Variants in AFDN observed in about 807,000 individuals in gnomAD.
AFDN encodes afadin.
Under a neutral mutation model 216.6 loss-of-function variants are expected in AFDN, and 68 were observed. That is an observed-to-expected ratio of 0.31 (90% CI 0.26 to 0.38). The LOEUF (loss-of-function observed/expected upper bound fraction) is 0.38. Among genes scored for constraint, AFDN ranks in the 10% least tolerant of loss-of-function variants. The pLI is 1.00. For missense variants in AFDN, 2,136 were observed against 2,342.0 expected (o/e 0.91, Z 1.82); for synonymous variants, 868 against 853.7 (o/e 1.02, Z -0.29).
intron 1 of AFDN, among the ~76,000 whole-genome samples, chr6:167,862,096 A>G (rs1053490765): frequency 3.9e-5 from 6 of 152,186 alleles, no homozygotes; most frequent in African/African-American, 1.4e-4. Flanking sequence ...AAAATCTTAA[A>G]TTTATACAGC....
chr6:167,943,011 C>T, intron 23 of AFDN, 118 bp from the exon 24 acceptor site: 1 of 661,486 alleles, frequency 1.5e-6, no homozygotes. Context: ...AGAACCAGGA[C>T]TTTGTTGCAG....
intron 1 of AFDN, among the ~76,000 whole-genome samples, chr6:167,852,704 A>G (rs1292112325): frequency 4.6e-5 from 7 of 152,106 alleles, no homozygotes; most frequent in South Asian, 2.1e-4. Flanking sequence ...CTTATTTTCC[A>G]GAGTAAGGAG....
chr6:167,907,578 T>C (rs1208134488), intron 13 of AFDN, among the ~76,000 whole-genome samples: 1 of 151,884 alleles, frequency 6.6e-6, no homozygotes, highest in Non-Finnish European at 1.5e-5. Context: ...AGAAAGGGAG[T>C]TTTTATAGGA....
chr6:167,911,751 T>C (rs1790425847), intron 15 of AFDN: 1 of 451,896 alleles, frequency 2.2e-6, no homozygotes, highest in African/African-American at 2.0e-5. Context: ...CTGAGACTGT[T>C]GTGGGCTTTT....
At position 167,924,794 on chromosome 6, in the gene AFDN, A is replaced by G. The variant is rs993059576; in HGVS notation, c.3013-211A>G. On this transcript the variant is annotated intron_variant, in intron 22 of 33. Coordinates refer to ENST00000683244, the MANE Select transcript of AFDN (RefSeq NM_001386888.1). ...AGCATTTGTGACTAAATTCATCTTTAAGACTTGAGTCAAGAATATCGATTT... is the reference window on the plus strand; with the variant it reads ...AGCATTTGTGACTAAATTCATCTTTGAGACTTGAGTCAAGAATATCGATTT... The G allele has an allele frequency of 5.3e-5, 30 of 570,198 alleles. No individual in the cohort carries two copies. In the African/African-American group the frequency reaches 5.5e-4, roughly 10 times the overall value. 35.3% of individuals were successfully genotyped at this position (570,198 alleles called of 1,614,324 possible).
chr6:167,938,441 A>G (rs1424238061), intron 23 of AFDN, among the ~76,000 whole-genome samples: 1 of 152,086 alleles, frequency 6.6e-6, no homozygotes, highest in East Asian at 1.9e-4. Flanking sequence ...ATTTAGAGAG[A>G]CCAGAAGATC....
intron 23 of AFDN, among the ~76,000 whole-genome samples, chr6:167,942,366 C>T (rs192308191): frequency 7.4e-4 from 113 of 152,298 alleles, no homozygotes; most frequent in African/African-American, 2.6e-3. Flanking sequence ...ATCGTTGTGA[C>T]CTAAGGAATT....
intron 33 of AFDN, among the ~76,000 whole-genome samples, chr6:167,969,527 A>G (rs145606162): frequency 1.1e-3 from 161 of 152,300 alleles, no homozygotes; most frequent in Non-Finnish European, 1.9e-3. Flanking sequence ...CCTGCTTGCT[A>G]AAATCTAACT....
intron 21 of AFDN, among the ~76,000 whole-genome samples, chr6:167,919,970 T>TC (rs1249515665): frequency 6.6e-6 from 1 of 152,238 alleles, no homozygotes; most frequent in African/African-American, 2.4e-5. Context: ...TTTATACCTT[T>TC]CAAGATATCT....
chr6:167,945,791 CA>C (rs1795191848), intron 26 of AFDN, among the ~76,000 whole-genome samples: 2 of 152,100 alleles, frequency 1.3e-5, no homozygotes, highest in South Asian at 4.1e-4. Flanking sequence ...ACAGCTACAT[CA>C]AAAAGAATCT....
chr6:167,857,220 T>G (rs1466643807), intron 1 of AFDN, among the ~76,000 whole-genome samples: 3 of 140,714 alleles, frequency 2.1e-5, no homozygotes, highest in Non-Finnish European at 3.3e-5. Flanking sequence ...GAGCGAGAGA[T>G]AGGATGGGGG....
chr6:167,879,219 C>T (rs1048196032), intron 5 of AFDN, among the ~76,000 whole-genome samples: 1 of 152,136 alleles, frequency 6.6e-6, no homozygotes, highest in Non-Finnish European at 1.5e-5. Context: ...TTAGCAGGTC[C>T]ATATTCTAAT....
intron 15 of AFDN, 153 bp downstream of exon 15, chr6:167,911,642 A>G: frequency 1.5e-6 from 1 of 680,382 alleles, no homozygotes; most frequent in Non-Finnish European, 2.5e-6. Flanking sequence ...GTATAACTTT[A>G]AAGAGTTGAA....
At position 167,893,903 on chromosome 6, in the gene AFDN, G is replaced by A. The variant is rs150936076; in HGVS notation, c.1219G>A (p.Glu407Lys). The A allele has an allele frequency of 3.2e-4, 506 of 1,583,800 alleles. 2 individuals carry two copies. In the East Asian group the frequency reaches 9.4e-3, roughly 29 times the overall value. Reference sequence around the variant, plus strand: ...TGCCTACTACAACTATCACACTTACGAAGGTAATGCTATGCTTACTACTAC... The same window carrying A: ...TGCCTACTACAACTATCACACTTACAAAGGTAATGCTATGCTTACTACTAC... ...HFAYYNYHTY[E>K]DGSDSRDKPK... The change falls in exon 9 of 34, where the codon GAA becomes AAA. Residue 407 changes from glutamate to lysine, a missense_variant. Physicochemically the swap from Glu to Lys is moderately conservative, Grantham distance 56. Coordinates refer to ENST00000683244, the MANE Select transcript of AFDN (RefSeq NM_001386888.1).
At chr6:167,901,351 T>C (rs747617727) in intron 11 of AFDN, among the ~76,000 whole-genome samples, 6 of 152,128 alleles carry the variant, frequency 3.9e-5, no homozygotes, top group Admixed American at 1.3e-4. Flanking sequence ...CTGGGACCAG[T>C]GAGTTGCATT....
intron 23 of AFDN, among the ~76,000 whole-genome samples, chr6:167,937,748 C>T (rs982384799): frequency 6.6e-6 from 1 of 152,192 alleles, no homozygotes; most frequent in Non-Finnish European, 1.5e-5. Flanking sequence ...ACATTGGGTG[C>T]CAGAGCCTGA....
In AFDN at chr6:167,907,268, A is replaced by G; in HGVS notation, c.1748A>G (p.Asp583Gly). The G allele has an allele frequency of 1.2e-6, 2 of 1,614,078 alleles. No individual in the cohort carries two copies. Among genetic ancestry groups the G allele is most frequent in the Non-Finnish European group, 1.7e-6 (2 of 1,179,916 alleles). Reference sequence around the variant, plus strand: ...ATGATCAGAGTAGAACAGCAGCCAGATTATCGCAGGCAAGAAAGCAGGTAG... The same window carrying G: ...ATGATCAGAGTAGAACAGCAGCCAGGTTATCGCAGGCAAGAAAGCAGGTAG... ...KPMIRVEQQP[D>G]YRRQESRTQD... Residue 583 changes from aspartate to glycine, a missense_variant, in exon 13 of 34, where the codon GAT becomes GGT. This residue lies in a region of AFDN where 817 missense variants were observed against 965.7 expected (regional missense o/e 0.85). Coordinates refer to ENST00000683244, the MANE Select transcript of AFDN (RefSeq NM_001386888.1).
At chr6:167,884,861 C>G (rs1016548418) in intron 6 of AFDN, among the ~76,000 whole-genome samples, 9 of 152,214 alleles carry the variant, frequency 5.9e-5, no homozygotes, top group Admixed American at 1.3e-4. Flanking sequence ...GCCTTCTCCT[C>G]TCTAGCTAGA....
chr6:167,848,246 A>T (rs565472086), intron 1 of AFDN, among the ~76,000 whole-genome samples: 1 of 152,314 alleles, frequency 6.6e-6, no homozygotes, highest in Non-Finnish European at 1.5e-5. Context: ...CATTACAACC[A>T]GTCTCTTATT....
Sources: gnomAD v4.1 joint callset for allele counts (sites outside exome capture counted in the v4.1 genomes callset) on GRCh38, gnomAD v4.1.1 for gene constraint, gnomAD v4.1.1 regional missense constraint, MANE v1.5 for transcripts, NCBI Gene and HGNC (gene_info 2026-07-23, HGNC 2026-07-21) for gene names.